The following ARHGAP15 variants were observed in gnomAD, a reference collection of about 807,000 sequenced individuals.
ARHGAP15 encodes Rho GTPase activating protein 15.
A neutral mutation model predicts 63.7 loss-of-function variants in ARHGAP15; 51 were observed. That is an observed-to-expected ratio of 0.80 (90% CI 0.64 to 1.01). The LOEUF (loss-of-function observed/expected upper bound fraction) is 1.01, where lower values mean the gene tolerates loss of function less well. ARHGAP15 is among the 50% of genes least tolerant of loss of function. ARHGAP15 has a pLI of 0.00. For synonymous variants in ARHGAP15, 191 were observed against 193.8 expected (o/e 0.99, Z 0.12); for missense variants, 560 against 564.6 (o/e 0.99, Z 0.08).
intron 11 of ARHGAP15, among the ~76,000 whole-genome samples, chr2:143,564,475 T>G (rs554527657): frequency 2.6e-5 from 4 of 152,314 alleles, no homozygotes; most frequent in African/African-American, 9.6e-5. Flanking sequence ...GTCTGCAGTT[T>G]GAGCTATAAG....
rs118012244 is a variant in ARHGAP15 at position 143,383,603 on chromosome 2, G to A, written c.475-51998G>A. Among the ~76,000 whole-genome samples, 1,456 of 152,186 alleles carry A rather than the reference G, an allele frequency of 9.6e-3. 7 individuals are homozygous for A. Among genetic ancestry groups the A allele is most frequent in the Admixed American group, 0.017 (255 of 15,280 alleles). ...ATTCTCGATATTAAGCCAGATCCTCGCAGTTCTCAAACAATTCTTCAGTAT... is the reference window on the plus strand; with the variant it reads ...ATTCTCGATATTAAGCCAGATCCTCACAGTTCTCAAACAATTCTTCAGTAT... On this transcript the variant is annotated intron_variant, in intron 6 of 13. Coordinates refer to ENST00000295095, the MANE Select transcript of ARHGAP15 (RefSeq NM_018460.4).
intron 13 of ARHGAP15, among the ~76,000 whole-genome samples, chr2:143,753,319 G>A (rs1472564489): frequency 6.6e-6 from 1 of 152,182 alleles, no homozygotes; most frequent in Non-Finnish European, 1.5e-5. Flanking sequence ...ATCTCTGCAA[G>A]CAAAGCAGCC....
intron 10 of ARHGAP15, among the ~76,000 whole-genome samples, chr2:143,545,704 TAGA>T (rs1312531581): frequency 2.6e-5 from 4 of 152,096 alleles, no homozygotes; most frequent in Admixed American, 2.0e-4. Context: ...TTATAAATAA[TAGA>T]AGAAAGGTTT....
At chr2:143,296,899 T>C (rs1682656285) in intron 6 of ARHGAP15, among the ~76,000 whole-genome samples, 1 of 151,966 alleles carries the variant, frequency 6.6e-6, no homozygotes, top group East Asian at 1.9e-4. Flanking sequence ...CTCCCACTTG[T>C]GAGAAAATGC....
chr2:143,649,736 A>G (rs1034754737), intron 12 of ARHGAP15, among the ~76,000 whole-genome samples: 37 of 151,908 alleles, frequency 2.4e-4, no homozygotes, highest in African/African-American at 8.7e-4. Flanking sequence ...CCTTTAATAC[A>G]AGGAAATGAA....
intron 6 of ARHGAP15, among the ~76,000 whole-genome samples, chr2:143,391,238 G>A (rs1420862367): frequency 6.6e-6 from 1 of 152,192 alleles, no homozygotes; most frequent in Admixed American, 6.5e-5. Context: ...GTACAAAAAT[G>A]TAGTTGATAA....
chr2:143,661,480 A>G (rs112469487), intron 12 of ARHGAP15, among the ~76,000 whole-genome samples: 2 of 152,192 alleles, frequency 1.3e-5, no homozygotes, highest in African/African-American at 4.8e-5. Context: ...CAAGGGTACA[A>G]AAAAAGTATG....
At chr2:143,472,951 G>A (rs1691648128) in intron 8 of ARHGAP15, among the ~76,000 whole-genome samples, 1 of 152,074 alleles carries the variant, frequency 6.6e-6, no homozygotes. Context: ...CATACATCTT[G>A]CTCTGATACT....
chr2:143,720,153 AGAT>A (rs1379939765), intron 13 of ARHGAP15, among the ~76,000 whole-genome samples: 6 of 152,178 alleles, frequency 3.9e-5, no homozygotes, highest in East Asian at 3.9e-4. Flanking sequence ...GGGGCGGGGA[AGAT>A]GATGACCAGA....
intron 12 of ARHGAP15, among the ~76,000 whole-genome samples, chr2:143,697,152 T>G (rs566390759): frequency 6.6e-6 from 1 of 152,300 alleles, no homozygotes; most frequent in South Asian, 2.1e-4. Flanking sequence ...TTTAACCAAA[T>G]TCTCTGATAA....
chr2:143,746,407 A>G (rs1297345264), intron 13 of ARHGAP15, among the ~76,000 whole-genome samples: 1 of 152,184 alleles, frequency 6.6e-6, no homozygotes, highest in Non-Finnish European at 1.5e-5. Flanking sequence ...TAGGAAGAAC[A>G]TAGGGAGAAA....
intron 8 of ARHGAP15, among the ~76,000 whole-genome samples, chr2:143,456,612 C>G (rs542147433): frequency 2.9e-4 from 1 of 3,470 alleles, no homozygotes; most frequent in Non-Finnish European, 0.013. Flanking sequence ...ATTTTCTCAT[C>G]TTCAAGACAG....
chr2:143,250,051 G>A (rs1680069219), intron 5 of ARHGAP15, among the ~76,000 whole-genome samples: 1 of 152,022 alleles, frequency 6.6e-6, no homozygotes, highest in South Asian at 2.1e-4. Context: ...CTCTACTATA[G>A]TCGCAAAACT....
intron 6 of ARHGAP15, among the ~76,000 whole-genome samples, chr2:143,342,805 T>C (rs1225111934): frequency 6.6e-6 from 1 of 152,010 alleles, no homozygotes; most frequent in Non-Finnish European, 1.5e-5. Context: ...AGATACCTTT[T>C]CTTAAAATCT....
Position 143,521,682 on chromosome 2 carries a change from C to T in ARHGAP15, c.925+2318C>T, listed in dbSNP as rs1384888456. On this transcript the variant is annotated intron_variant, in intron 10 of 13. Transcript: ENST00000295095. ...TGATGGACCAGTTATGGGAAAGGAA[C>T]ATTTAATGAAAACTATGTGTTTACT... is the stretch of plus-strand genomic sequence containing the variant. 2.0e-5 allele frequency among the ~76,000 whole-genome samples: 3 copies of T among 152,134 alleles called. No homozygotes were observed. The East Asian group carries it at 5.8e-4, about 29-fold the overall frequency.
rs1442736710 is a variant in ARHGAP15 at position 143,251,143 on chromosome 2, C to G, written c.474+543C>G. ...TCATATTCGATTGAATGGCAAGAAC[C>G]AGATGAAATCCTTGAGAGAGATAAA... On this transcript the variant is annotated intron_variant, in intron 6 of 13. Coordinates refer to ENST00000295095, the MANE Select transcript of ARHGAP15 (RefSeq NM_018460.4). Among the ~76,000 whole-genome samples the G allele has an allele frequency of 1.1e-4, 16 of 151,874 alleles. 1 individual carries two copies. The highest frequency in any genetic ancestry group is 1.0e-3 in the Admixed American group (16 of 15,246).
At chr2:143,554,886 A>G (rs1695723065) in intron 10 of ARHGAP15, among the ~76,000 whole-genome samples, 1 of 152,148 alleles carries the variant, frequency 6.6e-6, no homozygotes, top group Non-Finnish European at 1.5e-5. Flanking sequence ...TTTTACAAAT[A>G]TATGTGTCTT....
intron 2 of ARHGAP15, among the ~76,000 whole-genome samples, chr2:143,196,056 G>A (rs1371663871): frequency 6.6e-6 from 1 of 152,066 alleles, no homozygotes; most frequent in East Asian, 1.9e-4. Flanking sequence ...TGGAGAAAAA[G>A]ATATCTGAAA....
chr2:143,378,164 G>T (rs1020023629), intron 6 of ARHGAP15, among the ~76,000 whole-genome samples: 1 of 152,014 alleles, frequency 6.6e-6, no homozygotes, highest in Non-Finnish European at 1.5e-5. Flanking sequence ...CAAAGCAGGT[G>T]ATCTAGTAAT....
Sources: allele counts gnomAD v4.1 joint callset (sites outside exome capture counted in the v4.1 genomes callset), GRCh38; gene constraint gnomAD v4.1.1; transcripts MANE v1.5; gene names NCBI Gene and HGNC (gene_info 2026-07-23, HGNC 2026-07-21).